CASS4: variants seen among roughly 807,000 people sequenced by gnomAD.
CASS4 encodes Cas scaffold protein family member 4.
CASS4 carries 22 observed loss-of-function variants against 54.2 expected under a neutral mutation model. The ratio of observed to expected loss-of-function variants is 0.41; its 90% CI spans 0.29 to 0.58. The LOEUF is 0.58. Among genes scored for constraint, CASS4 ranks in the 20% least tolerant of loss-of-function variants. The pLI is 0.36. For missense variants in CASS4, 854 were observed against 986.7 expected, an observed-to-expected ratio of 0.87 and a Z score of 1.80; for synonymous variants, 409 against 391.5, an observed-to-expected ratio of 1.04 and a Z score of -0.53.
intron 2 of CASS4, among the ~76,000 whole-genome samples, chr20:56,438,320 C>T (rs1040833201): frequency 6.6e-6 from 1 of 151,476 alleles, no homozygotes; most frequent in Admixed American, 6.6e-5. Context: ...CCCTTCAATG[C>T]AGAAATTTTA....
rs762003640 is a variant in CASS4, at chr20:56,445,900, G to A, written c.460G>A (p.Ala154Thr). The change falls in exon 3 of 6, where the codon GCC (alanine) becomes ACC (threonine). Residue 154 changes from alanine to threonine, a missense_variant and splice_region_variant. Transcript: ENST00000679887. ...TCTTTTCTCCTCCTTTCTCTCCAAG[G>A]CCATCCTCACGCTTCCCAGACCTGT... ...CEKTLSFPKQAILTLPRPVRA... is the reference protein window; with the variant it reads ...CEKTLSFPKQTILTLPRPVRA... 3 of 1,611,056 alleles carry A rather than the reference G, an allele frequency of 1.9e-6. No homozygotes were observed. Among genetic ancestry groups the A allele is most frequent in the Non-Finnish European group, 1.7e-6 (2 of 1,177,510 alleles).
chr20:56,447,163 A>C (rs1325886008), intron 3 of CASS4, among the ~76,000 whole-genome samples: 1 of 151,518 alleles, frequency 6.6e-6, no homozygotes, highest in Non-Finnish European at 1.5e-5. Context: ...AGCTGAGATC[A>C]CACCACTGTA....
chr20:56,448,864 A>G (rs1980854703), intron 3 of CASS4, among the ~76,000 whole-genome samples: 1 of 152,196 alleles, frequency 6.6e-6, no homozygotes, highest in Non-Finnish European at 1.5e-5. Context: ...GGAAGCACAC[A>G]TCATCACTGG....
Position 56,450,045 on chromosome 20 carries a change from C to A in CASS4, c.562-554C>A, listed in dbSNP as rs375252435. ...GGTTGAGAGGTCTTTTTTTTTTTTT[C>A]TTTGAGATGGAGTTTCGCTCCCGTT... is the stretch of plus-strand genomic sequence containing the variant. On this transcript the variant is annotated intron_variant, in intron 3 of 5. Coordinates refer to ENST00000679887, the MANE Select transcript of CASS4 (RefSeq NM_020356.4). Among the ~76,000 whole-genome samples the A allele has an allele frequency of 5.8e-5, 7 of 121,692 alleles. No individual in the cohort carries two copies. In the East Asian group the frequency reaches 2.0e-3, roughly 34 times the overall value. 79.8% of individuals were successfully genotyped at this position (121,692 alleles called of 152,430 possible).
Position 56,414,611 on chromosome 20 carries a change from C to T in CASS4, c.36+2117C>T, listed in dbSNP as rs1979042485. On this transcript the variant is annotated intron_variant, in intron 1 of 5. Transcript: ENST00000679887. The surrounding 1 kb of genome is among the most constrained non-coding windows in gnomAD (Gnocchi z 4.1). ...AAATAACATGCATGTTTGCATAGAA[C>T]ATATAATTGATATTCCCAGCATCCC... Among the ~76,000 whole-genome samples, 1 of 152,042 alleles carries T rather than the reference C, an allele frequency of 6.6e-6. No individual in the cohort carries two copies. Among genetic ancestry groups the T allele is most frequent in the Admixed American group, 6.6e-5 (1 of 15,248 alleles).
At chr20:56,424,174 G>T (rs1189328115) in intron 1 of CASS4, among the ~76,000 whole-genome samples, 1 of 152,106 alleles carries the variant, frequency 6.6e-6, no homozygotes, top group Non-Finnish European at 1.5e-5. Context: ...CTCATTAAAA[G>T]AATTCAAAAT....
At position 56,432,663 on chromosome 20, in the gene CASS4, C is replaced by G. The variant is rs187474653; in HGVS notation, c.37-4501C>G. ...GATTCCAGGCATGCACCATCACACC[C>G]AGCCTAAGTCTTGACCTTTAATCAA... On this transcript the variant is annotated intron_variant, in intron 1 of 5. Coordinates refer to ENST00000679887, the MANE Select transcript of CASS4 (RefSeq NM_020356.4). 6.1e-3 allele frequency among the ~76,000 whole-genome samples: 928 copies of G among 152,234 alleles called. 8 individuals carry two copies. Among genetic ancestry groups the G allele is most frequent in the African/African-American group, 0.022 (895 of 41,540 alleles).
Position 56,458,509 on chromosome 20 carries a change from T to C in CASS4, c.2123T>C (p.Leu708Pro). ...GCGGAGATCATCACTCAGAGCAAGC[T>C]GGTCATCATGGTGGGACAGAAGCTG... ...QPAEIITQSK[L>P]VIMVGQKLVD... Residue 708 changes from leucine (L) to proline (P), a missense_variant, in exon 6 of 6, where the codon CTG (leucine) becomes CCG (proline). Transcript: ENST00000679887. 1 of 1,614,172 alleles carries C rather than the reference T, an allele frequency of 6.2e-7. No homozygotes were observed. The highest frequency in any genetic ancestry group is 8.5e-7 in the Non-Finnish European group (1 of 1,180,034).
chr20:56,456,163 A>G (rs1198321506), intron 5 of CASS4, among the ~76,000 whole-genome samples: 2 of 151,948 alleles, frequency 1.3e-5, no homozygotes, highest in East Asian at 1.9e-4. Flanking sequence ...ACAGTTCTCC[A>G]TTGCGTGGTG....
intron 1 of CASS4, among the ~76,000 whole-genome samples, chr20:56,419,209 AAG>A (rs1979294527): frequency 6.6e-6 from 1 of 152,194 alleles, no homozygotes; most frequent in South Asian, 2.1e-4. Flanking sequence ...GGAGGCTGGT[AAG>A]AGAGCTGCCA....
rs770317129 is a variant in CASS4, at chr20:56,452,644, G to A, written c.1468G>A (p.Val490Ile). 34 of 1,614,194 alleles carry A rather than the reference G, an allele frequency of 2.1e-5. No homozygotes were observed. In the East Asian group the frequency reaches 5.8e-4, roughly 28 times the overall value. Residue 490 changes from valine (V) to isoleucine (I), a missense_variant, in exon 5 of 6, where the codon GTA (valine) becomes ATA (isoleucine). Val to Ile is a conservative substitution (Grantham distance 29, BLOSUM62 3). Transcript: ENST00000679887. ...HRSTDHIEES[V>I]REFLDFARGV... The stretch of plus-strand genomic sequence containing the variant: ...GTCCACTGATCACATAGAAGAATCT[G>A]TAAGAGAATTTCTGGATTTTGCCCG...
chr20:56,435,125 G>C (rs186880027), intron 1 of CASS4, among the ~76,000 whole-genome samples: 3 of 152,124 alleles, frequency 2.0e-5, no homozygotes, highest in Non-Finnish European at 4.4e-5. Context: ...TTCTTCTTAC[G>C]CTTTTTAGAT....
At chr20:56,421,564 C>T (rs1242664456) in intron 1 of CASS4, among the ~76,000 whole-genome samples, 2 of 152,072 alleles carry the variant, frequency 1.3e-5, no homozygotes, top group Admixed American at 1.3e-4. Flanking sequence ...GGTTTGGTGG[C>T]TCATGCCTGT....
chr20:56,416,973 T>C (rs140344582), intron 1 of CASS4, among the ~76,000 whole-genome samples: 152 of 152,326 alleles, frequency 1.0e-3, no homozygotes, highest in African/African-American at 3.5e-3. Context: ...CTCTCTCCCA[T>C]CTCAACTCTG....
At chr20:56,448,054 G>A (rs917624896) in intron 3 of CASS4, among the ~76,000 whole-genome samples, 9 of 151,760 alleles carry the variant, frequency 5.9e-5, no homozygotes, top group South Asian at 4.2e-4. Context: ...AGGCAGGAGA[G>A]TGGCGTGAAC....
intron 1 of CASS4, among the ~76,000 whole-genome samples, chr20:56,423,885 G>A (rs1027797237): frequency 9.2e-5 from 14 of 152,130 alleles, no homozygotes; most frequent in African/African-American, 1.9e-4. Flanking sequence ...GAAAAAGGGA[G>A]TTTCAATTCA....
chr20:56,420,133 G>A (rs1042228635), intron 1 of CASS4, among the ~76,000 whole-genome samples: 7 of 152,260 alleles, frequency 4.6e-5, no homozygotes, highest in African/African-American at 1.7e-4. Flanking sequence ...CCACCTACCT[G>A]GCCACTCAGA....
In CASS4 at chr20:56,437,526, C is replaced by A. The variant is rs769423454; in HGVS notation, c.399C>A (p.Phe133Leu). ...CCCCTACTGCCCAAGTCTATGAATT[C>A]CCCGACCCTCCCACCAGTGCCAGAA... Reference protein sequence around the residue: ...PQPPTAQVYEFPDPPTSARII... With the variant: ...PQPPTAQVYELPDPPTSARII... Residue 133 changes from phenylalanine to leucine, a missense_variant, in exon 2 of 6, where the codon TTC becomes TTA. Coordinates refer to ENST00000679887, the MANE Select transcript of CASS4 (RefSeq NM_020356.4). The surrounding 1 kb of genome is among the most constrained non-coding windows in gnomAD (Gnocchi z 4.7). The A allele has an allele frequency of 3.2e-6, 5 of 1,578,648 alleles. No homozygotes were observed. Among genetic ancestry groups the A allele is most frequent in the Admixed American group, 3.8e-5 (2 of 53,216 alleles).
intron 2 of CASS4, among the ~76,000 whole-genome samples, chr20:56,443,072 G>T (rs558937897): frequency 6.6e-6 from 1 of 151,858 alleles, no homozygotes; most frequent in East Asian, 1.9e-4. Flanking sequence ...GTCTGCGGGG[G>T]GAGAAAGCTT....
Sources: allele counts gnomAD v4.1 joint callset (sites outside exome capture counted in the v4.1 genomes callset), GRCh38; gene constraint gnomAD v4.1.1; non-coding constraint Gnocchi (gnomAD v3.1); transcripts MANE v1.5; gene names NCBI Gene and HGNC (gene_info 2026-07-23, HGNC 2026-07-21).